Variants in KCTD8 observed in about 807,000 individuals in gnomAD.
KCTD8 encodes the protein potassium channel tetramerization domain containing 8.
KCTD8 carries 27 observed loss-of-function variants against 31.5 expected under a neutral mutation model. The observed-to-expected ratio is 0.86, with a 90% CI of 0.63 to 1.18. The LOEUF (loss-of-function observed/expected upper bound fraction) is 1.18. KCTD8 is among the 50% of genes most tolerant of loss of function. KCTD8 has a pLI of 0.00. For synonymous variants in KCTD8, 290 were observed against 280.0 expected (o/e 1.04, Z -0.36); for missense variants, 658 against 647.7 (o/e 1.02, Z -0.17).
At chr4:44,218,015 A>G (rs1242758246) in intron 1 of KCTD8, among the ~76,000 whole-genome samples, 1 of 151,682 alleles carries the variant, frequency 6.6e-6, no homozygotes, top group Non-Finnish European at 1.5e-5. Flanking sequence ...ATACATGTAT[A>G]TCCTATTAGT....
intron 1 of KCTD8, among the ~76,000 whole-genome samples, chr4:44,244,198 T>C (rs1676399726): frequency 6.6e-6 from 1 of 152,234 alleles, no homozygotes; most frequent in African/African-American, 2.4e-5. Context: ...TATTCATGCT[T>C]TTCCTCTTCA....
At chr4:44,382,731 A>G (rs1720103260) in intron 1 of KCTD8, among the ~76,000 whole-genome samples, 1 of 43,448 alleles carries the variant, frequency 2.3e-5, no homozygotes, top group African/African-American at 5.6e-5. Flanking sequence ...ACTCCATTTC[A>G]AAAAAAAAAA....
intron 1 of KCTD8, among the ~76,000 whole-genome samples, chr4:44,216,919 T>A (rs1714666918): frequency 6.6e-6 from 1 of 152,194 alleles, no homozygotes; most frequent in Admixed American, 6.5e-5. Flanking sequence ...AGGAGATGCA[T>A]CTTTCTTGGT....
intron 1 of KCTD8, among the ~76,000 whole-genome samples, chr4:44,311,356 C>A (rs1717945433): frequency 1.3e-5 from 2 of 152,128 alleles, no homozygotes; most frequent in South Asian, 4.1e-4. Context: ...AGAGGAGATT[C>A]TTTCACCACA....
intron 1 of KCTD8, among the ~76,000 whole-genome samples, chr4:44,272,142 A>ATATATATATATATAT (rs1560412318): frequency 7.4e-6 from 1 of 135,742 alleles, no homozygotes; most frequent in African/African-American, 3.5e-5. Context: ...TATATATATA[A>ATATATATATATATAT]ATGCTGAACC....
rs762496437 is a variant in KCTD8, at chr4:44,447,976, G to A, written c.548C>T (p.Ala183Val). Residue 183 changes from alanine (A) to valine (V), a missense_variant, in exon 1 of 2, where the codon GCG (alanine) becomes GTG (valine). Physicochemically the swap from Ala to Val is moderately conservative, Grantham distance 64. Transcript: ENST00000360029. ...TCCCGGGCCCGAGGGCACGGCGGCC[G>A]CCGCCCCGCGCAGCAGCAGCGCGTC... ...SSDALLLRGA[A>V]AAVPSGPGAH... 1 of 1,533,876 alleles carries A rather than the reference G, an allele frequency of 6.5e-7. No homozygotes were observed. Among genetic ancestry groups the A allele is most frequent in the Non-Finnish European group, 8.8e-7 (1 of 1,139,306 alleles).
chr4:44,422,902 T>C (rs1363323228), intron 1 of KCTD8, among the ~76,000 whole-genome samples: 1 of 152,086 alleles, frequency 6.6e-6, no homozygotes, highest in African/African-American at 2.4e-5. Context: ...GAGGTGGCTG[T>C]TGTGGCTGCT....
intron 1 of KCTD8, among the ~76,000 whole-genome samples, chr4:44,424,617 C>A (rs941239742): frequency 6.6e-6 from 1 of 151,958 alleles, no homozygotes; most frequent in Non-Finnish European, 1.5e-5. Flanking sequence ...GTAAGTTTGG[C>A]AATTGTTTCA....
rs373362085 is a variant in KCTD8 at position 44,360,474 on chromosome 4, A to C, written c.961+87089T>G. ...AAAGAAAAATAAAATCCAAGTTGCC[A>C]GAAGGAAAACAACAATTATACTAAT... On this transcript the variant is annotated intron_variant, in intron 1 of 1. Transcript: ENST00000360029. 1.9e-3 allele frequency among the ~76,000 whole-genome samples: 293 copies of C among 152,168 alleles called. 15 individuals carry two copies. The South Asian group carries it at 0.052, about 27-fold the overall frequency.
chr4:44,177,419 T>C (rs1444103932), intron 1 of KCTD8, among the ~76,000 whole-genome samples: 1 of 152,180 alleles, frequency 6.6e-6, no homozygotes, highest in African/African-American at 2.4e-5. Flanking sequence ...CTCATAGTTT[T>C]AGGCCTACAG....
At chr4:44,340,405 T>A (rs905620874) in intron 1 of KCTD8, among the ~76,000 whole-genome samples, 37 of 151,734 alleles carry the variant, frequency 2.4e-4, no homozygotes, top group African/African-American at 9.0e-4. Context: ...TTCACACCAT[T>A]CTCCTGCCTC....
At chr4:44,390,981 T>G (rs1720357200) in intron 1 of KCTD8, among the ~76,000 whole-genome samples, 1 of 151,874 alleles carries the variant, frequency 6.6e-6, no homozygotes, top group Non-Finnish European at 1.5e-5. Flanking sequence ...AAAAGATACT[T>G]GCACACGACT....
chr4:44,448,427 C>A lies in KCTD8; in HGVS notation c.97G>T (p.Ala33Ser), dbSNP rs1449406405. The change falls in exon 1 of 2, where the codon GCC becomes TCC. Residue 33 changes from alanine to serine, a missense_variant. Physicochemically the swap from Ala to Ser is moderately conservative, Grantham distance 99 (BLOSUM62 1). Transcript: ENST00000360029. This position sits in a 1 kb window ranked among gnomAD's most constrained non-coding sequence, Gnocchi z 4.1. The stretch of plus-strand genomic sequence containing the variant: ...GGCGAGGGTGCGCAGGGCCCCGGGG[C>A]GGCGGCGGCCGACGCGCCGGGCGAG... Reference protein sequence around the residue: ...SSSPGASAAAAPGPCAPSPFP... With the variant: ...SSSPGASAAASPGPCAPSPFP... 2 of 1,548,898 alleles carry A rather than the reference C, an allele frequency of 1.3e-6. No homozygotes were observed. The highest frequency in any genetic ancestry group is 8.7e-7 in the Non-Finnish European group (1 of 1,154,752).
intron 1 of KCTD8, among the ~76,000 whole-genome samples, chr4:44,230,991 G>T (rs182105571): frequency 6.6e-6 from 1 of 152,038 alleles, no homozygotes; most frequent in Admixed American, 6.6e-5. Flanking sequence ...AATCGATTTC[G>T]CTGGCAAATT....
chr4:44,442,174 C>CT (rs11341139), intron 1 of KCTD8, among the ~76,000 whole-genome samples: 22 of 150,964 alleles, frequency 1.5e-4, no homozygotes, highest in South Asian at 2.1e-4. Context: ...TAAAACTGCA[C>CT]TTTTTTTTTT....
chr4:44,429,390 T>C (rs777192614), intron 1 of KCTD8, among the ~76,000 whole-genome samples: 3 of 151,754 alleles, frequency 2.0e-5, no homozygotes, highest in Admixed American at 6.6e-5. Context: ...CAGTGTCAAA[T>C]GCTGATAAGA....
At chr4:44,380,548 T>A (rs1340533630) in intron 1 of KCTD8, among the ~76,000 whole-genome samples, 1 of 151,730 alleles carries the variant, frequency 6.6e-6, no homozygotes, top group Non-Finnish European at 1.5e-5. Context: ...TAATTTCATA[T>A]TAATATAATT....
chr4:44,396,396 C>T (rs1220620092), intron 1 of KCTD8, among the ~76,000 whole-genome samples: 1 of 152,066 alleles, frequency 6.6e-6, no homozygotes, highest in Non-Finnish European at 1.5e-5. Flanking sequence ...GTTTGGGGAC[C>T]ACTGCACTAT....
chr4:44,399,796 C>T (rs1720599538), intron 1 of KCTD8, among the ~76,000 whole-genome samples: 1 of 152,108 alleles, frequency 6.6e-6, no homozygotes, highest in Non-Finnish European at 1.5e-5. Context: ...GAAGAAGGCC[C>T]AAACTTAAGT....
Sources: gnomAD v4.1 joint callset for allele counts (sites outside exome capture counted in the v4.1 genomes callset) on GRCh38, gnomAD v4.1.1 for gene constraint, Gnocchi (gnomAD v3.1) non-coding constraint, MANE v1.5 for transcripts, NCBI Gene and HGNC (gene_info 2026-07-23, HGNC 2026-07-21) for gene names.